HHIP: variants seen among roughly 807,000 people sequenced by gnomAD.
The protein encoded by HHIP is hedgehog interacting protein, also known as hedgehog-interacting protein.
A neutral mutation model predicts 74.0 loss-of-function variants in HHIP; 12 were observed. That is an observed-to-expected ratio of 0.16 (90% confidence interval 0.10 to 0.26). The LOEUF (loss-of-function observed/expected upper bound fraction) is 0.26. HHIP is among the 10% of genes least tolerant of loss of function. The probability of loss-of-function intolerance (pLI) is 1.00; values close to 1 mark genes in which losing one functional copy is unlikely to be tolerated. For synonymous variants in HHIP, 309 were observed against 311.6 expected, an observed-to-expected ratio of 0.99 and a Z score of 0.09; for missense variants, 788 against 845.0, an observed-to-expected ratio of 0.93 and a Z score of 0.84.
chr4:144,657,127 A>G (rs946219172), intron 2 of HHIP, among the ~76,000 whole-genome samples: 1 of 152,160 alleles, frequency 6.6e-6, no homozygotes, highest in Admixed American at 6.6e-5. Flanking sequence ...TCTCTCAGAA[A>G]GTTCAGGGTG....
chr4:144,735,790 A>C (rs1731099974), intron 12 of HHIP, among the ~76,000 whole-genome samples: 1 of 152,228 alleles, frequency 6.6e-6, no homozygotes, highest in Non-Finnish European at 1.5e-5. Flanking sequence ...TTATAACTAT[A>C]ACTTGTCTAT....
intron 4 of HHIP, among the ~76,000 whole-genome samples, chr4:144,700,481 C>G (rs533926977): frequency 4.6e-5 from 7 of 152,190 alleles, no homozygotes; most frequent in African/African-American, 1.7e-4. Flanking sequence ...ATTAAGGTTG[C>G]AATGGAATTA....
rs1731200540 is a variant in HHIP, at chr4:144,739,078, A to G, written c.*1121A>G. On this transcript the variant is annotated 3_prime_UTR_variant, in exon 13 of 13. Coordinates refer to ENST00000296575, the MANE Select transcript of HHIP (RefSeq NM_022475.3). Reference sequence around the variant, plus strand: ...GCTATGTAAGCTGTCACCTGTACAAATTTTTAACATAATAATTCTTGCCAA... The same window carrying G: ...GCTATGTAAGCTGTCACCTGTACAAGTTTTTAACATAATAATTCTTGCCAA... 1 of 152,224 alleles carries G rather than the reference A, an allele frequency of 6.6e-6. No individual in the cohort carries two copies. Among genetic ancestry groups the G allele is most frequent in the Non-Finnish European group, 1.5e-5 (1 of 68,044 alleles). 9.4% of individuals were successfully genotyped at this position (152,224 alleles called of 1,614,324 possible).
At chr4:144,692,219 G>A (rs1729693505) in intron 4 of HHIP, among the ~76,000 whole-genome samples, 1 of 152,076 alleles carries the variant, frequency 6.6e-6, no homozygotes, top group Admixed American at 6.6e-5. Context: ...GCTCAGGGGT[G>A]TTAAATTATT....
At chr4:144,721,616 C>T (rs1165261372) in intron 11 of HHIP, among the ~76,000 whole-genome samples, 1 of 150,632 alleles carries the variant, frequency 6.6e-6, no homozygotes, top group African/African-American at 2.4e-5. Context: ...AAAAAAACTT[C>T]CAGGCCGGGC....
At chr4:144,699,625 T>C (rs1306485540) in intron 4 of HHIP, among the ~76,000 whole-genome samples, 1 of 152,108 alleles carries the variant, frequency 6.6e-6, no homozygotes, top group African/African-American at 2.4e-5. Context: ...CAAAGTCAGC[T>C]TAGTAGTATA....
intron 8 of HHIP, among the ~76,000 whole-genome samples, chr4:144,712,993 A>G (rs1172802707): frequency 6.6e-6 from 1 of 151,880 alleles, no homozygotes; most frequent in East Asian, 1.9e-4. Flanking sequence ...GCTCGATGGA[A>G]TTTTGGCTAC....
intron 11 of HHIP, among the ~76,000 whole-genome samples, chr4:144,733,637 T>A (rs1731025724): frequency 6.6e-6 from 1 of 152,208 alleles, no homozygotes; most frequent in African/African-American, 2.4e-5. Flanking sequence ...TTATGGTACT[T>A]AAGGTGTCCA....
rs969160977 is a variant in HHIP at position 144,738,690 on chromosome 4, A to G, written c.*733A>G. 2 of 721,444 alleles carry G rather than the reference A, an allele frequency of 2.8e-6. No homozygotes were observed. The highest frequency in any genetic ancestry group is 1.9e-5 in the African/African-American group (1 of 51,852). The allele number at this position is 721,444 out of a possible 1,614,324, so 44.7% of individuals were successfully genotyped here. On this transcript the variant is annotated 3_prime_UTR_variant, in exon 13 of 13. Coordinates refer to ENST00000296575, the MANE Select transcript of HHIP (RefSeq NM_022475.3). Reference sequence around the variant, plus strand: ...GGCACTGGGTTTGTGTTACATATTTATATATTTTATTTTATTTTTATAATA... The same window carrying G: ...GGCACTGGGTTTGTGTTACATATTTGTATATTTTATTTTATTTTTATAATA...
intron 11 of HHIP, among the ~76,000 whole-genome samples, chr4:144,724,332 T>A (rs1358488633): frequency 2.0e-5 from 3 of 152,196 alleles, no homozygotes; most frequent in African/African-American, 7.2e-5. Context: ...AAAGGGTTTA[T>A]GTCTTATTTT....
chr4:144,652,650 G>A lies in HHIP; in HGVS notation c.325G>A (p.Glu109Lys). The change falls in exon 2 of 13, where the codon GAA (glutamate) becomes AAA (lysine). Residue 109 changes from glutamate (E) to lysine (K), a missense_variant. Glu to Lys is a moderately conservative substitution (Grantham distance 56). This residue lies in a region of HHIP where 373 missense variants were observed against 366.4 expected (regional missense o/e 1.02). Coordinates refer to ENST00000296575, the MANE Select transcript of HHIP (RefSeq NM_022475.3). ...NNTECGKLLE[E>K]IKCALCSPHS... ...CACAGAATGTGGGAAGTTACTGGAG[G>A]AAATCAAATGTGCACTTTGCTCTCC... The A allele has an allele frequency of 6.2e-7, 1 of 1,611,140 alleles. No homozygotes were observed. The highest frequency in any genetic ancestry group is 1.1e-5 in the South Asian group (1 of 90,402).
At chr4:144,661,989 C>T (rs900861414) in intron 4 of HHIP, among the ~76,000 whole-genome samples, 16 of 152,252 alleles carry the variant, frequency 1.1e-4, no homozygotes, top group Admixed American at 2.0e-4. Context: ...AACCTCCACA[C>T]GTTTGAAATT....
rs965326368 is a variant in HHIP, at chr4:144,738,772, T to C, written c.*815T>C. The C allele has an allele frequency of 3.0e-5, 23 of 777,086 alleles. No homozygotes were observed. The highest frequency in any genetic ancestry group is 2.3e-5 in the Non-Finnish European group (15 of 639,814). The allele number at this position is 777,086 out of a possible 1,614,324, so 48.1% of individuals were successfully genotyped here. On this transcript the variant is annotated 3_prime_UTR_variant, in exon 13 of 13. Transcript: ENST00000296575. ...TGTCCTGTAAAACACTAAAGTTACA[T>C]TTTTCACCAACTTAATTGGAAAGAA...
intron 4 of HHIP, among the ~76,000 whole-genome samples, chr4:144,661,619 G>A (rs909319942): frequency 2.6e-5 from 4 of 152,076 alleles, no homozygotes; most frequent in East Asian, 1.9e-4. Context: ...GGAACTTCCC[G>A]ATTGGAAGAG....
chr4:144,708,697 A>G (rs1393591244), intron 7 of HHIP, among the ~76,000 whole-genome samples: 2 of 152,202 alleles, frequency 1.3e-5, no homozygotes, highest in East Asian at 3.8e-4. Context: ...TTCTTTATAT[A>G]TTACATGGCG....
chr4:144,684,407 C>T (rs1267009122), intron 4 of HHIP, among the ~76,000 whole-genome samples: 3 of 150,066 alleles, frequency 2.0e-5, no homozygotes, highest in Non-Finnish European at 4.4e-5. Context: ...TACAGGCGCT[C>T]GCCACCACGC....
chr4:144,660,169 G>A, intron 4 of HHIP: 1 of 364,906 alleles, frequency 2.7e-6, no homozygotes, highest in Admixed American at 4.6e-5. Context: ...ATCAGCATTT[G>A]CTAGTAGAAA....
At chr4:144,709,378 T>G (rs936095160) in intron 7 of HHIP, among the ~76,000 whole-genome samples, 5 of 152,128 alleles carry the variant, frequency 3.3e-5, no homozygotes, top group African/African-American at 1.2e-4. Flanking sequence ...AGCAACACTT[T>G]GAAGTCAGGC....
intron 11 of HHIP, among the ~76,000 whole-genome samples, chr4:144,719,869 T>C (rs1341598726): frequency 1.3e-5 from 2 of 152,222 alleles, no homozygotes; most frequent in Non-Finnish European, 2.9e-5. Context: ...TTCAAAAGAA[T>C]TAACTCTAAT....
Sources: allele counts gnomAD v4.1 joint callset (sites outside exome capture counted in the v4.1 genomes callset), GRCh38; gene constraint gnomAD v4.1.1; regional missense constraint gnomAD v4.1.1; transcripts MANE v1.5; gene names NCBI Gene and HGNC (gene_info 2026-07-23, HGNC 2026-07-21).